ACAN: variants seen among roughly 807,000 people sequenced by gnomAD.
The protein encoded by ACAN is aggrecan.
ACAN carries 47 observed loss-of-function variants against 169.1 expected under a neutral mutation model. The ratio of observed to expected loss-of-function variants is 0.28; its 90% CI spans 0.22 to 0.35. The LOEUF (loss-of-function observed/expected upper bound fraction) is 0.35. Among genes scored for constraint, ACAN ranks in the 10% least tolerant of loss-of-function variants. ACAN has a pLI of 1.00. For missense variants in ACAN, 2,716 were observed against 2,759.9 expected, an observed-to-expected ratio of 0.98 and a Z score of 0.36; for synonymous variants, 1,115 against 1,112.2, an observed-to-expected ratio of 1.00 and a Z score of -0.05.
At position 88,845,896 on chromosome 15, in the gene ACAN, C is replaced by G; in HGVS notation, c.1429+14C>G. 1 of 1,443,514 alleles carries G rather than the reference C, an allele frequency of 6.9e-7. No homozygotes were observed. Among genetic ancestry groups the G allele is most frequent in the Non-Finnish European group, 9.1e-7 (1 of 1,094,952 alleles). 89.4% of individuals were successfully genotyped at this position (1,443,514 alleles called of 1,614,324 possible). ...ATTTGCCAGGGGGTAAGTAGCTGCC[C>G]GTGGGTGCATCCAGGGGCAGGTGGA... On this transcript the variant is annotated intron_variant, in intron 7 of 18. Transcript: ENST00000560601.
chr15:88,848,870 T>C (rs1896859041), intron 9 of ACAN, among the ~76,000 whole-genome samples: 2 of 152,214 alleles, frequency 1.3e-5, no homozygotes, highest in Non-Finnish European at 2.9e-5. Context: ...ATGAGATATG[T>C]ATGAAAAGTT....
chr15:88,834,040 A>G (rs893935767), intron 1 of ACAN, among the ~76,000 whole-genome samples: 2 of 152,152 alleles, frequency 1.3e-5, no homozygotes, highest in Non-Finnish European at 2.9e-5. Flanking sequence ...CTTCTGGGGA[A>G]CTATTTCCCA....
At chr15:88,840,262 C>T (rs905327713) in intron 4 of ACAN, 76 bp downstream of exon 4, 33 of 1,464,626 alleles carry the variant, frequency 2.3e-5, no homozygotes, top group East Asian at 9.9e-5. Context: ...CTGGGTGGAA[C>T]GTTGGCCAGC....
At chr15:88,805,327 T>C (rs1194606162) in intron 1 of ACAN, among the ~76,000 whole-genome samples, 2 of 151,912 alleles carry the variant, frequency 1.3e-5, no homozygotes, top group African/African-American at 4.8e-5. Context: ...CTGAAGCTCG[T>C]TGGGGGAGGA....
At chr15:88,840,786 T>TA (rs11333209) in intron 4 of ACAN, among the ~76,000 whole-genome samples, 1,724 of 136,274 alleles carry the variant, frequency 0.013, 31 homozygotes, top group African/African-American at 0.038. Context: ...ACTATAGCCA[T>TA]AAAAAAAAAA....
rs1897020912 is a variant in ACAN, at chr15:88,855,121, C to G, written c.2536C>G (p.Pro846Ala). 3.1e-6 allele frequency: 5 copies of G among 1,604,514 alleles called. No individual in the cohort carries two copies. The highest frequency in any genetic ancestry group is 2.2e-5 in the East Asian group (1 of 44,778). ...SASEEPYTPS[P>A]PVPSWTELPS... ...CTCGGAAGAGCCGTATACACCTTCA[C>G]CCCCCGTGCCCAGCTGGACTGAGCT... Residue 846 changes from proline to alanine, a missense_variant, in exon 12 of 19, where the codon CCC (proline) becomes GCC (alanine). Coordinates refer to ENST00000560601, the MANE Select transcript of ACAN (RefSeq NM_001369268.1).
chr15:88,857,823 TGG>T lies in ACAN; in HGVS notation c.5241_5242del (p.Glu1748AsnfsTer6). The T allele has an allele frequency of 6.2e-7, 1 of 1,613,850 alleles. No individual in the cohort carries two copies. The highest frequency in any genetic ancestry group is 8.5e-7 in the Non-Finnish European group (1 of 1,179,886). ...GQPSGFPDTS[G>X]ETSGVTELSG... ...AGCCATCAGGGTTTCCTGACACTAG[TGG>T]GGAAACATCTGGAGTGACTGAGCTT... On this transcript the variant is annotated frameshift_variant, in exon 12 of 19. Coordinates refer to ENST00000560601, the MANE Select transcript of ACAN (RefSeq NM_001369268.1). LOFTEE classifies it high-confidence loss of function.
In ACAN at chr15:88,855,022, C is replaced by A. The variant is rs1236212249; in HGVS notation, c.2437C>A (p.Pro813Thr). The change falls in exon 12 of 19, where the codon CCC becomes ACC. Residue 813 changes from proline to threonine, a missense_variant. Physicochemically the swap from Pro to Thr is conservative, Grantham distance 38. Transcript: ENST00000560601. ...ACCATTCCCCTCAGTGAGGCCATTC[C>A]CCTCAGTGGAGCTGTTCCCCTCAGA... is the stretch of plus-strand genomic sequence containing the variant. ...EEPFPSVRPF[P>T]SVELFPSEEP... is the part of the protein sequence containing the mutation. 2.5e-6 allele frequency: 4 copies of A among 1,593,690 alleles called. No individual in the cohort carries two copies. The highest frequency in any genetic ancestry group is 3.4e-6 in the Non-Finnish European group (4 of 1,171,276).
rs563361355 is a variant in ACAN at position 88,848,062 on chromosome 15, C to T, written c.1732+24C>T. 1.3e-5 allele frequency: 21 copies of T among 1,610,254 alleles called. No homozygotes were observed. In the African/African-American group the frequency reaches 2.0e-4, roughly 15 times the overall value. On this transcript the variant is annotated intron_variant, in intron 9 of 18. Transcript: ENST00000560601. The stretch of plus-strand genomic sequence containing the variant: ...GGGTACAAGCCACATTCTCACATTT[C>T]GGGCCCTAGATGGGCAGGGGGTGGG...
intron 1 of ACAN, among the ~76,000 whole-genome samples, chr15:88,808,734 G>A (rs1369151998): frequency 6.6e-6 from 1 of 152,162 alleles, no homozygotes; most frequent in Non-Finnish European, 1.5e-5. Context: ...AGAATTATCT[G>A]GCCCAAAATG....
chr15:88,832,494 T>A (rs773684199), intron 1 of ACAN, among the ~76,000 whole-genome samples: 4 of 151,934 alleles, frequency 2.6e-5, no homozygotes, highest in Non-Finnish European at 4.4e-5. Flanking sequence ...ACCTGTAGTC[T>A]CAACTACTCG....
intron 1 of ACAN, among the ~76,000 whole-genome samples, chr15:88,832,836 A>G (rs907049647): frequency 2.6e-5 from 4 of 152,214 alleles, no homozygotes; most frequent in Admixed American, 6.5e-5. Flanking sequence ...CAGGCCTGAC[A>G]ACCAGGGAGG....
rs1488852230 is a variant in ACAN at position 88,859,022 on chromosome 15, G to T, written c.6437G>T (p.Gly2146Val). The T allele has an allele frequency of 5.6e-6, 9 of 1,613,976 alleles. No individual in the cohort carries two copies. The highest frequency in any genetic ancestry group is 1.7e-5 in the Admixed American group (1 of 60,034). Reference protein sequence around the residue: ...FHEANLERSSGLGVSGSTLTF... With the variant: ...FHEANLERSSVLGVSGSTLTF... ...GAAGCTAACCTTGAGAGATCCTCTG[G>T]CCTAGGAGTGAGCGGCAGCACTTTG... Residue 2146 changes from glycine to valine, a missense_variant, in exon 12 of 19, where the codon GGC (glycine) becomes GTC (valine). This residue lies in a region of ACAN where 1,389 missense variants were observed against 1,363.7 expected (regional missense o/e 1.02). Coordinates refer to ENST00000560601, the MANE Select transcript of ACAN (RefSeq NM_001369268.1).
rs575245223 is a variant in ACAN, at chr15:88,845,814, C to T, written c.1361C>T (p.Thr454Met). ...GFPTPGLGPA[T>M]AFTSEDLVVQ... ...CCCACACCTGGCCTGGGCCCTGCCACGGCATTCACCAGTGAGGACCTCGTC... is the reference window on the plus strand; with the variant it reads ...CCCACACCTGGCCTGGGCCCTGCCATGGCATTCACCAGTGAGGACCTCGTC... Residue 454 changes from threonine to methionine, a missense_variant, in exon 7 of 19, where the codon ACG becomes ATG. This residue lies in a region of ACAN where 1,283 missense variants were observed against 1,281.5 expected (regional missense o/e 1.00). Transcript: ENST00000560601. 88 of 1,545,574 alleles carry T rather than the reference C, an allele frequency of 5.7e-5. No homozygotes were observed. The South Asian group carries it at 7.1e-4, about 12-fold the overall frequency.
chr15:88,858,213 A>G lies in ACAN; in HGVS notation c.5628A>G (p.Gly1876=). ...SGKSGMVDVS[G]QFSGTVDSSG... The stretch of plus-strand genomic sequence containing the variant: ...AATCTGGGATGGTGGATGTCAGTGG[A>G]CAGTTTTCTGGAACAGTCGATTCCA... Residue 1876 remains glycine, a synonymous_variant, in exon 12 of 19, where the codon GGA becomes GGG. Transcript: ENST00000560601. This position sits in a 1 kb window ranked among gnomAD's most constrained non-coding sequence, Gnocchi z 4.0. The G allele has an allele frequency of 4.3e-6, 7 of 1,613,906 alleles. No individual in the cohort carries two copies. The highest frequency in any genetic ancestry group is 5.9e-6 in the Non-Finnish European group (7 of 1,179,880).
intron 13 of ACAN, among the ~76,000 whole-genome samples, chr15:88,865,672 A>G (rs972739732): frequency 6.6e-6 from 1 of 151,978 alleles, no homozygotes; most frequent in African/African-American, 2.4e-5. Context: ...CTCCACTTGC[A>G]AGCTCCTTAT....
chr15:88,850,412 G>A (rs1896904833), intron 10 of ACAN: 1 of 155,496 alleles, frequency 6.4e-6, no homozygotes, highest in African/African-American at 2.4e-5. Flanking sequence ...GCATGGCCAG[G>A]GCATAGCCAC....
rs961150315 is a variant in ACAN at position 88,838,824 on chromosome 15, G to A, written c.232G>A (p.Val78Met). 1 of 1,614,034 alleles carries A rather than the reference G, an allele frequency of 6.2e-7. No homozygotes were observed. The change falls in exon 3 of 19, where the codon GTG (valine) becomes ATG (methionine). Residue 78 changes from valine to methionine, a missense_variant. Transcript: ENST00000560601. This position sits in a 1 kb window ranked among gnomAD's most constrained non-coding sequence, Gnocchi z 5.1. ...GGCCCCAAGAATCAAGTGGAGCCGT[G>A]TGTCCAAGGAGAAGGAGGTAGTGCT... is the stretch of plus-strand genomic sequence containing the variant. ...PLAPRIKWSR[V>M]SKEKEVVLLV...
rs377596050 is a variant in ACAN at position 88,841,720 on chromosome 15, C to T, written c.630-20C>T. The T allele has an allele frequency of 2.5e-6, 4 of 1,613,654 alleles. No individual in the cohort carries two copies. In the African/African-American group the frequency reaches 5.3e-5, roughly 22 times the overall value. On this transcript the variant is annotated intron_variant, in intron 4 of 18. Transcript: ENST00000560601. ...CCTTTGTCCCCTGAGTGTCACACCT[C>T]CATTTCGGGTTCCTGGCAGATACCC...
Sources: gnomAD v4.1 joint callset for allele counts (sites outside exome capture counted in the v4.1 genomes callset) on GRCh38, gnomAD v4.1.1 for gene constraint, gnomAD v4.1.1 regional missense constraint, Gnocchi (gnomAD v3.1) non-coding constraint, MANE v1.5 for transcripts, NCBI Gene and HGNC (gene_info 2026-07-23, HGNC 2026-07-21) for gene names.